The following TTF1 variants were observed in gnomAD, a reference collection of about 807,000 sequenced individuals.
TTF1 encodes the protein transcription termination factor, RNA polymerase I.
A neutral mutation model predicts 80.2 loss-of-function variants in TTF1; 64 were observed. The ratio of observed to expected loss-of-function variants is 0.80; its 90% CI spans 0.65 to 0.98. The LOEUF (loss-of-function observed/expected upper bound fraction) is 0.98, where lower values mean the gene tolerates loss of function less well. Ranked by LOEUF, TTF1 falls within the 50% of genes least tolerant of loss-of-function variation. The probability of loss-of-function intolerance (pLI) is 0.00; values close to 1 mark genes in which losing one functional copy is unlikely to be tolerated. For synonymous variants in TTF1, 372 were observed against 382.7 expected (o/e 0.97, Z 0.33); for missense variants, 1,023 against 1,086.2 (o/e 0.94, Z 0.82).
At chr9:132,382,970 C>T (rs576619803) in intron 9 of TTF1, among the ~76,000 whole-genome samples, 3 of 151,650 alleles carry the variant, frequency 2.0e-5, no homozygotes, top group African/African-American at 4.8e-5. Context: ...GAGGCTGAGA[C>T]AGGAGAACTG....
chr9:132,393,209 G>C (rs891840165), intron 5 of TTF1, among the ~76,000 whole-genome samples: 5 of 152,184 alleles, frequency 3.3e-5, no homozygotes. Flanking sequence ...CTGTAAATAT[G>C]TAACTACTTG....
At chr9:132,396,587 C>G in intron 4 of TTF1, 76 bp from the exon 5 acceptor site, 1 of 1,226,826 alleles carries the variant, frequency 8.2e-7, no homozygotes, top group Non-Finnish European at 1.2e-6. Flanking sequence ...CCAGAACAGC[C>G]CTTATAACAA....
In TTF1 at chr9:132,388,020, A is replaced by C. The variant is rs550655783; in HGVS notation, c.2312+119T>G. The C allele has an allele frequency of 1.4e-4, 94 of 676,176 alleles. No homozygotes were observed. In the African/African-American group the frequency reaches 1.5e-3, roughly 11 times the overall value. 41.9% of individuals were successfully genotyped at this position (676,176 alleles called of 1,614,324 possible). ...GGTCATATGCCCACAATACATGCGG[A>C]AAGTGCTGGAACAGGGATTTGGACC... On this transcript the variant is annotated intron_variant, in intron 8 of 10. Transcript: ENST00000334270.
At position 132,398,458 on chromosome 9, in the gene TTF1, G is replaced by A. The variant is rs952627062; in HGVS notation, c.1592-132C>T. 1.3e-5 allele frequency: 11 copies of A among 851,848 alleles called. No individual in the cohort carries two copies. In the African/African-American group the frequency reaches 1.9e-4, roughly 15 times the overall value. 52.8% of individuals were successfully genotyped at this position (851,848 alleles called of 1,614,324 possible). ...CCCAACACCTGACATTCGCCCTCCT[G>A]CCCGCACTTGCAGATTTGGCCTTTC... is the stretch of plus-strand genomic sequence containing the variant. On this transcript the variant is annotated intron_variant, in intron 3 of 10. Transcript: ENST00000334270.
chr9:132,396,044 T>C (rs1162574831), intron 5 of TTF1, among the ~76,000 whole-genome samples: 3 of 152,166 alleles, frequency 2.0e-5, no homozygotes, highest in African/African-American at 7.2e-5. Flanking sequence ...CACCTTCAAA[T>C]AGTTACTAAA....
intron 8 of TTF1, among the ~76,000 whole-genome samples, chr9:132,387,548 G>A (rs1248497496): frequency 6.6e-6 from 1 of 152,202 alleles, no homozygotes; most frequent in African/African-American, 2.4e-5. Flanking sequence ...GTGAGGCAGA[G>A]GGAATGAAGG....
intron 2 of TTF1, among the ~76,000 whole-genome samples, chr9:132,400,615 G>A (rs928280966): frequency 6.6e-6 from 1 of 152,144 alleles, no homozygotes; most frequent in Non-Finnish European, 1.5e-5. Flanking sequence ...GAGCCACCAC[G>A]CCTGGCCTTA....
rs1386120824 is a variant in TTF1 at position 132,402,948 on chromosome 9, T to G, written c.-7-120A>C. 4.1e-6 allele frequency: 4 copies of G among 980,914 alleles called. No individual in the cohort carries two copies. In the East Asian group the frequency reaches 1.1e-4, roughly 26 times the overall value. The allele number at this position is 980,914 out of a possible 1,614,324, so 60.8% of individuals were successfully genotyped here. Reference sequence around the variant, plus strand: ...TCGGCTCACTGCAAGCTCCGCCTCCTGGGCTCATGCCATTTTCCCGCCTCA... The same window carrying G: ...TCGGCTCACTGCAAGCTCCGCCTCCGGGGCTCATGCCATTTTCCCGCCTCA... On this transcript the variant is annotated intron_variant, in intron 1 of 10. Coordinates refer to ENST00000334270, the MANE Select transcript of TTF1 (RefSeq NM_007344.4).
At chr9:132,397,794 G>C (rs917853541) in intron 4 of TTF1, among the ~76,000 whole-genome samples, 5 of 152,104 alleles carry the variant, frequency 3.3e-5, no homozygotes, top group African/African-American at 1.2e-4. Flanking sequence ...AGACCATCCT[G>C]GCTAACAAGG....
intron 1 of TTF1, among the ~76,000 whole-genome samples, chr9:132,403,097 G>C (rs1386126008): frequency 3.3e-5 from 5 of 152,178 alleles, no homozygotes; most frequent in African/African-American, 9.7e-5. Context: ...CTGACCTCAT[G>C]ATCCGCCCAC....
chr9:132,389,987 T>A (rs1037588375), intron 7 of TTF1, among the ~76,000 whole-genome samples: 16 of 152,168 alleles, frequency 1.1e-4, no homozygotes, highest in African/African-American at 3.9e-4. Context: ...ATATTTTTTA[T>A]TTTTTTGAGA....
intron 3 of TTF1, among the ~76,000 whole-genome samples, 164 bp from the exon 4 acceptor site, chr9:132,398,490 G>C (rs1849699264): frequency 6.6e-6 from 1 of 152,066 alleles, no homozygotes; most frequent in South Asian, 2.1e-4. Flanking sequence ...TTTCCTTCAG[G>C]GTTCAGCCCA....
chr9:132,402,764 T>G lies in TTF1; in HGVS notation c.58A>C (p.Lys20Gln), dbSNP rs1849791852. The G allele has an allele frequency of 6.2e-7, 1 of 1,602,200 alleles. No homozygotes were observed. The highest frequency in any genetic ancestry group is 1.4e-5 in the African/African-American group (1 of 73,956). The change falls in exon 2 of 11, where the codon AAA becomes CAA. Residue 20 changes from lysine to glutamine, a missense_variant. By Grantham distance (53) the Lys-to-Gln change is moderately conservative. Transcript: ENST00000334270. ...CTTTCCTTATGTATAGAACACTTTT[T>G]CTTTTTCTTGTCAGAAACTGGAGTG... The part of the protein sequence containing the change: ...IHTPVSDKKK[K>Q]KCSIHKERPQ...
rs190720127 is a variant in TTF1 at position 132,395,978 on chromosome 9, C to T, written c.1856+455G>A. On this transcript the variant is annotated intron_variant, in intron 5 of 10. Transcript: ENST00000334270. ...GAGAGAATGACAACCGGGTTAAGCA[C>T]CCCAGGTTGATACCACTGAACTGCA... Among the ~76,000 whole-genome samples, 29 of 152,280 alleles carry T rather than the reference C, an allele frequency of 1.9e-4. 1 individual carries two copies. Among genetic ancestry groups the T allele is most frequent in the African/African-American group, 6.7e-4 (28 of 41,538 alleles).
intron 10 of TTF1, among the ~76,000 whole-genome samples, chr9:132,378,506 G>A (rs1329636427): frequency 2.0e-5 from 3 of 146,576 alleles, no homozygotes; most frequent in Non-Finnish European, 4.5e-5. Flanking sequence ...TGTGATGTGA[G>A]TGCATGTGGT....
intron 5 of TTF1, 150 bp from the exon 6 acceptor site, chr9:132,392,356 G>T: frequency 2.2e-6 from 2 of 895,514 alleles, no homozygotes; most frequent in Non-Finnish European, 3.3e-6. Flanking sequence ...TCCTGTTGGC[G>T]TCTCACTGGT....
intron 1 of TTF1, among the ~76,000 whole-genome samples, chr9:132,405,134 G>T (rs954385799): frequency 2.0e-5 from 3 of 152,084 alleles, no homozygotes. Context: ...TGATCCAACC[G>T]CCTCGGCCTC....
chr9:132,377,482 C>T (rs1849225327), intron 10 of TTF1, among the ~76,000 whole-genome samples: 1 of 37,392 alleles, frequency 2.7e-5, no homozygotes, highest in Admixed American at 3.7e-4. Context: ...TGTGTGAATG[C>T]ATGTGGTGTG....
At position 132,384,378 on chromosome 9, in the gene TTF1, G is replaced by A. The variant is rs1360328255; in HGVS notation, c.2378+2178C>T. Reference sequence around the variant, plus strand: ...ATAAACTCAAAGAGAGCTGAAGGGAGGGCGTGATAAAGAGCTGACATTAGA... The same window carrying A: ...ATAAACTCAAAGAGAGCTGAAGGGAAGGCGTGATAAAGAGCTGACATTAGA... On this transcript the variant is annotated intron_variant, in intron 9 of 10. Transcript: ENST00000334270. This position sits in a 1 kb window ranked among gnomAD's most constrained non-coding sequence, Gnocchi z 4.1. 2.0e-5 allele frequency among the ~76,000 whole-genome samples: 3 copies of A among 152,174 alleles called. No individual in the cohort carries two copies. The highest frequency in any genetic ancestry group is 6.5e-5 in the Admixed American group (1 of 15,274).
Sources: allele counts gnomAD v4.1 joint callset (sites outside exome capture counted in the v4.1 genomes callset), GRCh38; gene constraint gnomAD v4.1.1; non-coding constraint Gnocchi (gnomAD v3.1); transcripts MANE v1.5; gene names NCBI Gene and HGNC (gene_info 2026-07-23, HGNC 2026-07-21).